DPP10: variants seen among roughly 807,000 people sequenced by gnomAD.
DPP10 encodes the protein dipeptidyl peptidase like 10.
Under a neutral mutation model 120.9 loss-of-function variants are expected in DPP10, and 33 were observed. That is an observed-to-expected ratio of 0.27 (90% CI 0.21 to 0.37). The LOEUF is 0.37. Ranked by LOEUF, DPP10 falls within the 10% of genes least tolerant of loss-of-function variation. The probability of loss-of-function intolerance (pLI) is 1.00; values close to 1 mark genes in which losing one functional copy is unlikely to be tolerated. For synonymous variants in DPP10, 337 were observed against 326.1 expected (o/e 1.03, Z -0.36); for missense variants, 816 against 942.8 (o/e 0.87, Z 1.76).
intron 1 of DPP10, among the ~76,000 whole-genome samples, chr2:114,960,557 A>C (rs1698537887): frequency 6.6e-6 from 1 of 152,088 alleles, no homozygotes; most frequent in Non-Finnish European, 1.5e-5. Context: ...AACATGAAAA[A>C]ACTAAAATAT....
intron 1 of DPP10, among the ~76,000 whole-genome samples, chr2:115,256,000 C>G (rs2058969481): frequency 6.6e-6 from 1 of 152,190 alleles, no homozygotes; most frequent in South Asian, 2.1e-4. Context: ...TTTCGGGTCT[C>G]TTTACGGCAG....
At chr2:114,725,614 C>A (rs954993522) in intron 1 of DPP10, among the ~76,000 whole-genome samples, 1 of 152,200 alleles carries the variant, frequency 6.6e-6, no homozygotes, top group Non-Finnish European at 1.5e-5. Context: ...CTGATTTTTA[C>A]TGAGCATTAC....
chr2:114,883,462 T>A (rs1015153355), intron 1 of DPP10, among the ~76,000 whole-genome samples: 8 of 152,228 alleles, frequency 5.3e-5, no homozygotes, highest in Admixed American at 4.6e-4. Flanking sequence ...GCTAGACTTT[T>A]ATTCTCATTG....
rs924856812 is a variant in DPP10 at position 114,915,281 on chromosome 2, A to G, written c.61-393958A>G. 3.3e-5 allele frequency among the ~76,000 whole-genome samples: 5 copies of G among 152,366 alleles called. No homozygotes were observed. In the South Asian group the frequency reaches 1.0e-3, roughly 32 times the overall value. Reference sequence around the variant, plus strand: ...AGACAAAGAAGAGCATTACATAATGATAAAGGGTTTAATTTGACAAGAAGT... The same window carrying G: ...AGACAAAGAAGAGCATTACATAATGGTAAAGGGTTTAATTTGACAAGAAGT... On this transcript the variant is annotated intron_variant, in intron 1 of 25. Transcript: ENST00000410059.
chr2:114,639,017 A>G (rs966829030), intron 1 of DPP10, among the ~76,000 whole-genome samples: 2 of 151,898 alleles, frequency 1.3e-5, no homozygotes, highest in African/African-American at 4.9e-5. Flanking sequence ...CTAATCCTAA[A>G]CAATTTAGTG....
Position 114,639,463 on chromosome 2 carries a change from A to G in DPP10, c.60+196625A>G, listed in dbSNP as rs141745827. Among the ~76,000 whole-genome samples the G allele has an allele frequency of 6.0e-4, 91 of 151,944 alleles. 1 individual carries two copies. The East Asian group carries it at 0.012, about 20-fold the overall frequency. ...AGCTAAACATTGGGTACTCATGGAC[A>G]TAAACATGGGAACAATAGACATTAG... is the stretch of plus-strand genomic sequence containing the variant. On this transcript the variant is annotated intron_variant, in intron 1 of 25. Transcript: ENST00000410059.
chr2:114,461,766 TC>T, intron 1 of DPP10: 1 of 985,392 alleles, frequency 1.0e-6, no homozygotes, highest in Non-Finnish European at 1.2e-6. Flanking sequence ...AGTGCTGCCA[TC>T]CGTAAATTGG....
intron 11 of DPP10, among the ~76,000 whole-genome samples, chr2:115,760,216 A>G (rs1417569658): frequency 6.6e-6 from 1 of 152,222 alleles, no homozygotes; most frequent in East Asian, 1.9e-4. Flanking sequence ...ACTTATCTAC[A>G]CAATGGAATT....
intron 3 of DPP10, among the ~76,000 whole-genome samples, chr2:115,487,164 C>G (rs1399999231): frequency 1.3e-5 from 2 of 149,790 alleles, no homozygotes; most frequent in Non-Finnish European, 3.0e-5. Context: ...AGGAATCCAA[C>G]TTACAAGGGA....
chr2:115,590,757 T>C (rs910773662), intron 5 of DPP10, among the ~76,000 whole-genome samples: 3 of 152,220 alleles, frequency 2.0e-5, no homozygotes, highest in African/African-American at 7.2e-5. Context: ...TCTTCCGCAA[T>C]GGTTGAATTA....
intron 3 of DPP10, among the ~76,000 whole-genome samples, chr2:115,497,876 T>C (rs1447902754): frequency 6.6e-6 from 1 of 151,868 alleles, no homozygotes; most frequent in East Asian, 1.9e-4. Context: ...TAAATCAAAA[T>C]AAATATTTAT....
At chr2:114,903,495 G>A (rs899447878) in intron 1 of DPP10, among the ~76,000 whole-genome samples, 1 of 152,132 alleles carries the variant, frequency 6.6e-6, no homozygotes, top group Admixed American at 6.6e-5. Flanking sequence ...ATGTGTAGTG[G>A]TATATCATTG....
intron 3 of DPP10, among the ~76,000 whole-genome samples, chr2:115,366,370 T>C (rs781527108): frequency 7.9e-5 from 12 of 152,078 alleles, no homozygotes; most frequent in Non-Finnish European, 1.8e-4. Flanking sequence ...GAAATTTTGG[T>C]TCTATGAATA....
chr2:114,664,152 C>T (rs1170248440), intron 1 of DPP10, among the ~76,000 whole-genome samples: 1 of 151,910 alleles, frequency 6.6e-6, no homozygotes, highest in South Asian at 2.1e-4. Context: ...CATATTTTTG[C>T]ACTCAAAGCT....
At chr2:114,994,104 T>A (rs1700927556) in intron 1 of DPP10, among the ~76,000 whole-genome samples, 1 of 152,182 alleles carries the variant, frequency 6.6e-6, no homozygotes, top group Non-Finnish European at 1.5e-5. Context: ...ATTCTGTATG[T>A]ATTCTGGGCT....
chr2:114,712,052 G>T (rs150054870), intron 1 of DPP10, among the ~76,000 whole-genome samples: 2,225 of 152,270 alleles, frequency 0.015, 126 homozygotes, highest in Admixed American at 0.12. Context: ...GGGCACGGTG[G>T]CTCACAACTG....
intron 1 of DPP10, among the ~76,000 whole-genome samples, chr2:114,879,900 C>A (rs118001917): frequency 6.6e-5 from 10 of 152,008 alleles, no homozygotes; most frequent in Non-Finnish European, 8.8e-5. Context: ...GGCAGGAGAA[C>A]CTGCTCAGTA....
chr2:115,424,658 ATAAATATAAAT>A (rs2070295037), intron 3 of DPP10, among the ~76,000 whole-genome samples: 2 of 152,034 alleles, frequency 1.3e-5, no homozygotes, highest in Admixed American at 1.3e-4. Context: ...ATAGATAAGG[ATAAATATAAAT>A]TAAAATTGAG....
At chr2:115,715,748 T>C (rs1201707831) in intron 7 of DPP10, among the ~76,000 whole-genome samples, 1 of 152,250 alleles carries the variant, frequency 6.6e-6, no homozygotes, top group East Asian at 1.9e-4. Context: ...TTTTCTTCTA[T>C]CTTTACATTT....
Sources: gnomAD v4.1 joint callset for allele counts (sites outside exome capture counted in the v4.1 genomes callset) on GRCh38, gnomAD v4.1.1 for gene constraint, MANE v1.5 for transcripts, NCBI Gene and HGNC (gene_info 2026-07-23, HGNC 2026-07-21) for gene names.